The following HDAC4 variants were observed in gnomAD, a reference collection of about 807,000 sequenced individuals.
The protein encoded by HDAC4 is histone deacetylase A.
A neutral mutation model predicts 135.1 loss-of-function variants in HDAC4; 16 were observed. That is an observed-to-expected ratio of 0.12 (90% CI 0.08 to 0.18). The LOEUF (loss-of-function observed/expected upper bound fraction) is 0.18, where lower values mean the gene tolerates loss of function less well. HDAC4 is among the 10% of genes least tolerant of loss of function. The pLI is 1.00. For synonymous variants in HDAC4, 685 were observed against 653.4 expected (o/e 1.05, Z -0.74); for missense variants, 1,143 against 1,511.8 (o/e 0.76, Z 4.05).
At position 239,115,286 on chromosome 2, in the gene HDAC4, C is replaced by T. The variant is rs1345540918; in HGVS notation, c.1558G>A (p.Ala520Thr). 1 of 1,613,198 alleles carries T rather than the reference C, an allele frequency of 6.2e-7. No individual in the cohort carries two copies. The highest frequency in any genetic ancestry group is 2.2e-5 in the East Asian group (1 of 44,890). ...TCCGGGTGGCTCTCCGGCTGCCGGGCTGGCTCGCTTGGCTTGGGGATGATC... is the reference window on the plus strand; with the variant it reads ...TCCGGGTGGCTCTCCGGCTGCCGGGTTGGCTCGCTTGGCTTGGGGATGATC... ...NKIIPKPSEP[A>T]RQPESHPEET... The change falls in exon 13 of 27, where the codon GCC becomes ACC. Residue 520 changes from alanine (A) to threonine (T), a missense_variant. Transcript: ENST00000543185. The surrounding 1 kb of genome is among the most constrained non-coding windows in gnomAD (Gnocchi z 6.3).
intron 2 of HDAC4, among the ~76,000 whole-genome samples, chr2:239,346,836 C>T (rs1575728072): frequency 8.2e-6 from 1 of 121,480 alleles, no homozygotes; most frequent in Non-Finnish European, 1.7e-5. Flanking sequence ...CCACCTAACA[C>T]ACACACCCTG....
intron 2 of HDAC4, among the ~76,000 whole-genome samples, chr2:239,295,246 G>T (rs1446851640): frequency 2.2e-5 from 3 of 137,424 alleles, no homozygotes; most frequent in Non-Finnish European, 4.5e-5. Flanking sequence ...GGCGGAGCTT[G>T]CAGTGAGCCG....
intron 8 of HDAC4, among the ~76,000 whole-genome samples, chr2:239,142,886 G>A (rs774793473): frequency 5.0e-5 from 7 of 139,986 alleles, no homozygotes; most frequent in Non-Finnish European, 9.0e-5. Context: ...CATGGCTCCT[G>A]GGTGAGCTCA....
At position 239,346,183 on chromosome 2, in the gene HDAC4, CCCTGTCTAAAACACACATACAT is replaced by C. The variant is rs1450958353; in HGVS notation, c.22+6473_22+6494del. 6.5e-5 allele frequency among the ~76,000 whole-genome samples: 9 copies of C among 138,774 alleles called. No homozygotes were observed. In the South Asian group the frequency reaches 2.0e-3, roughly 31 times the overall value. The allele number at this position is 138,774 out of a possible 152,430, so 91.0% of individuals were successfully genotyped here. A position where few individuals can be genotyped will look rare whatever the true frequency, so the allele number is the denominator to read the frequency against. On this transcript the variant is annotated intron_variant, in intron 2 of 26. Coordinates refer to ENST00000543185, the MANE Select transcript of HDAC4 (RefSeq NM_001378414.1). ...ACACACACTGTCTAAAACACACACA[CCCTGTCTAAAACACACATACAT>C]ACCTTAACACACACATATCCTGTCT...
Position 239,169,198 on chromosome 2 carries a change from C to G in HDAC4, c.491-5275G>C, listed in dbSNP as rs575190543. On this transcript the variant is annotated intron_variant, in intron 5 of 26. Coordinates refer to ENST00000543185, the MANE Select transcript of HDAC4 (RefSeq NM_001378414.1). ...CAGCTGATATTTAAATTTTAAACTT[C>G]AATTCTTTGATAAGCAACTATTTTC... Among the ~76,000 whole-genome samples the G allele has an allele frequency of 7.2e-5, 11 of 152,302 alleles. No individual in the cohort carries two copies. The South Asian group carries it at 2.3e-3, about 32-fold the overall frequency.
At chr2:239,119,858 A>G (rs2039479645) in intron 12 of HDAC4, among the ~76,000 whole-genome samples, 1 of 152,198 alleles carries the variant, frequency 6.6e-6, no homozygotes, top group Non-Finnish European at 1.5e-5. Flanking sequence ...CAGAGAAGCG[A>G]CTGCACAGAG....
chr2:239,066,574 T>TG, intron 24 of HDAC4, 148 bp downstream of exon 24: 3 of 1,000,926 alleles, frequency 3.0e-6, no homozygotes, highest in Non-Finnish European at 3.1e-6. Flanking sequence ...TATGCGGGGG[T>TG]GGGGGGCAGG....
At chr2:239,128,523 T>C (rs1477865786) in intron 11 of HDAC4, among the ~76,000 whole-genome samples, 2 of 115,908 alleles carry the variant, frequency 1.7e-5, no homozygotes, top group Admixed American at 8.8e-5. Flanking sequence ...CGAGACTCTG[T>C]CTCAAAAAAA....
chr2:239,334,486 G>A (rs559655514), intron 2 of HDAC4, among the ~76,000 whole-genome samples: 8 of 151,122 alleles, frequency 5.3e-5, no homozygotes, highest in East Asian at 2.0e-4. Context: ...GTGCCACTGC[G>A]CTCCAGCCTG....
At chr2:239,147,639 A>AC (rs1486429821) in intron 7 of HDAC4, among the ~76,000 whole-genome samples, 3 of 152,234 alleles carry the variant, frequency 2.0e-5, no homozygotes, top group Non-Finnish European at 4.4e-5. Flanking sequence ...CATTGACAGA[A>AC]CCAAAGCATC....
intron 1 of HDAC4, among the ~76,000 whole-genome samples, chr2:239,379,350 C>G (rs1000518983): frequency 1.3e-5 from 2 of 152,182 alleles, no homozygotes; most frequent in Non-Finnish European, 2.9e-5. Context: ...GAAAGCAGAG[C>G]GTGTGATGAT....
chr2:239,303,386 C>T lies in HDAC4; in HGVS notation c.22+49292G>A, dbSNP rs1575655714. Among the ~76,000 whole-genome samples, 1 of 152,212 alleles carries T rather than the reference C, an allele frequency of 6.6e-6. No individual in the cohort carries two copies. The highest frequency in any genetic ancestry group is 6.5e-5 in the Admixed American group (1 of 15,278). ...ACCCGCCGTCTGGTGTGAAGGGAAA[C>T]GTCCCTCACCCTTCTGCAGTCGCCA... On this transcript the variant is annotated intron_variant, in intron 2 of 26. Coordinates refer to ENST00000543185, the MANE Select transcript of HDAC4 (RefSeq NM_001378414.1). The surrounding 1 kb of genome is among the most constrained non-coding windows in gnomAD (Gnocchi z 5.1).
chr2:239,120,611 G>T (rs1322434751), intron 12 of HDAC4, among the ~76,000 whole-genome samples: 1 of 134,002 alleles, frequency 7.5e-6, no homozygotes, highest in African/African-American at 2.7e-5. Context: ...GGAAATGGGG[G>T]GGCGGGGAAG....
Position 239,066,584 on chromosome 2 carries a change from G to C in HDAC4, c.3003+138C>G, listed in dbSNP as rs2033517776. The C allele has an allele frequency of 1.6e-5, 18 of 1,127,320 alleles. No homozygotes were observed. The South Asian group carries it at 2.1e-4, about 13-fold the overall frequency. The allele number at this position is 1,127,320 out of a possible 1,614,324, so 69.8% of individuals were successfully genotyped here. On this transcript the variant is annotated intron_variant, in intron 24 of 26. Coordinates refer to ENST00000543185, the MANE Select transcript of HDAC4 (RefSeq NM_001378414.1). ...AGAGCTATGCGGGGGTGGGGGGCAG[G>C]TGCAAGGCGGAGCTGCAAGCATCCA...
At chr2:239,130,180 G>A (rs1270403407) in intron 11 of HDAC4, among the ~76,000 whole-genome samples, 2 of 152,220 alleles carry the variant, frequency 1.3e-5, no homozygotes, top group African/African-American at 2.4e-5. Flanking sequence ...CAATGTGGGT[G>A]CTCTGGATTC....
rs570625217 is a variant in HDAC4 at position 239,296,220 on chromosome 2, C to T, written c.22+56458G>A. Among the ~76,000 whole-genome samples the T allele has an allele frequency of 2.6e-5, 4 of 152,346 alleles. No individual in the cohort carries two copies. In the South Asian group the frequency reaches 6.2e-4, roughly 24 times the overall value. ...ACCACTCTCAAAGCACACACACACACGCACATATGCAGGTATGCACACATG... is the reference window on the plus strand; with the variant it reads ...ACCACTCTCAAAGCACACACACACATGCACATATGCAGGTATGCACACATG... On this transcript the variant is annotated intron_variant, in intron 2 of 26. Transcript: ENST00000543185.
intron 2 of HDAC4, among the ~76,000 whole-genome samples, chr2:239,329,523 T>TACCGGGACACCCC (rs1691413983): frequency 7.1e-6 from 1 of 140,160 alleles, no homozygotes; most frequent in Non-Finnish European, 1.6e-5. Context: ...CCCCTCCTCC[T>TACCGGGACACCCC]TGCTCCCCCA....
At chr2:239,369,755 T>TG (rs1488242234) in intron 1 of HDAC4, among the ~76,000 whole-genome samples, 1 of 152,140 alleles carries the variant, frequency 6.6e-6, no homozygotes, top group Non-Finnish European at 1.5e-5. Context: ...TCAGCAGGCC[T>TG]GGGCCACCTT....
intron 2 of HDAC4, among the ~76,000 whole-genome samples, chr2:239,292,415 T>C (rs983229696): frequency 1.3e-5 from 2 of 152,166 alleles, no homozygotes; most frequent in Admixed American, 6.5e-5. Flanking sequence ...TGCACTGAGA[T>C]GGGCAGTGGA....
Sources: allele counts gnomAD v4.1 joint callset (sites outside exome capture counted in the v4.1 genomes callset), GRCh38; gene constraint gnomAD v4.1.1; non-coding constraint Gnocchi (gnomAD v3.1); transcripts MANE v1.5; gene names NCBI Gene and HGNC (gene_info 2026-07-23, HGNC 2026-07-21).